Variants in ESRRG observed in about 807,000 individuals in gnomAD.
ESRRG encodes estrogen related receptor gamma.
ESRRG carries 13 observed loss-of-function variants against 44.0 expected under a neutral mutation model. The ratio of observed to expected loss-of-function variants is 0.30; its 90% confidence interval spans 0.19 to 0.47. ESRRG has a LOEUF of 0.47. Ranked by LOEUF, ESRRG falls within the 20% of genes least tolerant of loss-of-function variation. The probability of loss-of-function intolerance (pLI) is 1.00; values close to 1 mark genes in which losing one functional copy is unlikely to be tolerated. For synonymous variants in ESRRG, 215 were observed against 214.6 expected (o/e 1.00, Z -0.02); for missense variants, 395 against 580.6 (o/e 0.68, Z 3.29).
intron 2 of ESRRG, among the ~76,000 whole-genome samples, chr1:216,661,955 T>C (rs571183053): frequency 5.9e-5 from 9 of 152,144 alleles, no homozygotes; most frequent in African/African-American, 2.2e-4. Context: ...CCATTTTCCG[T>C]GTGACTTTGG....
chr1:217,056,450 AG>A (rs1255550593), intron 1 of ESRRG, among the ~76,000 whole-genome samples: 1 of 151,938 alleles, frequency 6.6e-6, no homozygotes, highest in African/African-American at 2.4e-5. Context: ...CAAATGCAAA[AG>A]TATGCAAGAC....
intron 1 of ESRRG, among the ~76,000 whole-genome samples, chr1:217,084,738 G>C (rs2091973725): frequency 6.6e-6 from 1 of 152,040 alleles, no homozygotes; most frequent in South Asian, 2.1e-4. Flanking sequence ...ATTTATTTTA[G>C]CAGATACACC....
intron 2 of ESRRG, among the ~76,000 whole-genome samples, chr1:216,659,572 G>A (rs969003856): frequency 1.3e-5 from 2 of 152,110 alleles, no homozygotes; most frequent in Non-Finnish European, 2.9e-5. Flanking sequence ...GTCCCAGGTC[G>A]ACTTCTACCC....
intron 1 of ESRRG, among the ~76,000 whole-genome samples, chr1:216,709,721 A>G (rs61817046): frequency 0.12 from 18,519 of 151,862 alleles, 1,278 homozygotes; most frequent in Middle Eastern, 0.19. Flanking sequence ...GGGAGTATGT[A>G]TACTCTCTAA....
intron 1 of ESRRG, among the ~76,000 whole-genome samples, chr1:217,130,796 A>C (rs780369853): frequency 3.9e-5 from 6 of 152,204 alleles, no homozygotes; most frequent in Non-Finnish European, 8.8e-5. Flanking sequence ...TATCTGACAG[A>C]AAAAATAAAG....
At chr1:216,998,344 A>T (rs2076621619) in intron 1 of ESRRG, among the ~76,000 whole-genome samples, 1 of 152,164 alleles carries the variant, frequency 6.6e-6, no homozygotes, top group Non-Finnish European at 1.5e-5. Context: ...CTAAAAATGA[A>T]ATTTTGAATG....
At position 217,004,002 on chromosome 1, in the gene ESRRG, C is replaced by T. The variant is rs544299983; in HGVS notation, c.-105-64329G>A. ...ATAATTATCTTATTAATCATAATCT[C>T]ATAAATAAATAACATACTGTCTTAT... On this transcript the variant is annotated intron_variant, in intron 1 of 7. Transcript: ENST00000359162. Among the ~76,000 whole-genome samples, 4 of 151,936 alleles carry T rather than the reference C, an allele frequency of 2.6e-5. No homozygotes were observed. In the East Asian group the frequency reaches 7.7e-4, roughly 29 times the overall value.
At chr1:216,533,450 G>T (rs2050010135) in intron 5 of ESRRG, among the ~76,000 whole-genome samples, 1 of 152,080 alleles carries the variant, frequency 6.6e-6, no homozygotes, top group African/African-American at 2.4e-5. Flanking sequence ...ACTATAGTAG[G>T]CAGTTAACTG....
chr1:216,544,489 C>T (rs1027518807), intron 5 of ESRRG, among the ~76,000 whole-genome samples: 10 of 151,934 alleles, frequency 6.6e-5, no homozygotes, highest in Admixed American at 2.0e-4. Context: ...GATACCCAAA[C>T]CCACATTACA....
At chr1:216,585,890 A>G (rs1289772943) in intron 3 of ESRRG, among the ~76,000 whole-genome samples, 2 of 152,076 alleles carry the variant, frequency 1.3e-5, no homozygotes, top group Non-Finnish European at 2.9e-5. Context: ...AATACAAAAA[A>G]TTAGCCAGGC....
At chr1:216,601,127 G>A (rs887741460) in intron 3 of ESRRG, among the ~76,000 whole-genome samples, 10 of 152,108 alleles carry the variant, frequency 6.6e-5, no homozygotes, top group African/African-American at 2.4e-4. Flanking sequence ...TTGGAACGCG[G>A]GCTCCTGCCC....
At chr1:216,749,886 T>C (rs901244740) in intron 2 of ESRRG, among the ~76,000 whole-genome samples, 1 of 152,188 alleles carries the variant, frequency 6.6e-6, no homozygotes, top group Non-Finnish European at 1.5e-5. Context: ...AATTTTTGCA[T>C]CATAAACTTT....
chr1:216,714,206 A>C (rs71643422), intron 1 of ESRRG, among the ~76,000 whole-genome samples: 1 of 152,224 alleles, frequency 6.6e-6, no homozygotes, highest in Admixed American at 6.5e-5. Context: ...AAAAAGAAAA[A>C]CAAATATAAA....
At chr1:216,821,162 G>A (rs148711242) in intron 2 of ESRRG, among the ~76,000 whole-genome samples, 72 of 152,230 alleles carry the variant, frequency 4.7e-4, no homozygotes, top group African/African-American at 1.7e-3. Flanking sequence ...TGGTAACTAC[G>A]GTTGTCACCG....
At chr1:217,031,159 T>C (rs2082008271) in intron 1 of ESRRG, among the ~76,000 whole-genome samples, 1 of 152,330 alleles carries the variant, frequency 6.6e-6, no homozygotes, top group East Asian at 1.9e-4. Flanking sequence ...AAAAAAACTA[T>C]GTTGTAGAAA....
At chr1:216,625,423 C>A (rs866887655) in intron 3 of ESRRG, among the ~76,000 whole-genome samples, 220 of 115,630 alleles carry the variant, frequency 1.9e-3, no homozygotes, top group African/African-American at 2.2e-3. Flanking sequence ...GCTCATTTGG[C>A]AAAAAAAAAA....
At chr1:216,585,823 G>A (rs1389570165) in intron 3 of ESRRG, among the ~76,000 whole-genome samples, 3 of 152,032 alleles carry the variant, frequency 2.0e-5, no homozygotes, top group Non-Finnish European at 2.9e-5. Context: ...GGCGGATCAC[G>A]AGGTCAGGAG....
chr1:216,805,774 C>T (rs950628597), intron 2 of ESRRG, among the ~76,000 whole-genome samples: 5 of 150,378 alleles, frequency 3.3e-5, no homozygotes, highest in African/African-American at 9.8e-5. Flanking sequence ...TTTAGGTGTT[C>T]GGTTTTGTTT....
At chr1:216,561,418 C>A (rs139251869) in intron 5 of ESRRG, among the ~76,000 whole-genome samples, 270 of 152,168 alleles carry the variant, frequency 1.8e-3, no homozygotes, top group Middle Eastern at 3.4e-3. Flanking sequence ...AAAGTTAAGA[C>A]CAAGACAGGT....
Sources: gnomAD v4.1 joint callset for allele counts (sites outside exome capture counted in the v4.1 genomes callset) on GRCh38, gnomAD v4.1.1 for gene constraint, MANE v1.5 for transcripts, NCBI Gene and HGNC (gene_info 2026-07-23, HGNC 2026-07-21) for gene names.